HTR2C: variants seen among roughly 807,000 people sequenced by gnomAD.
HTR2C encodes 5-hydroxytryptamine receptor 2C.
Under a neutral mutation model 21.0 loss-of-function variants are expected in HTR2C, and 5 were observed. The ratio of observed to expected loss-of-function variants is 0.24; its 90% CI spans 0.12 to 0.50. The LOEUF (loss-of-function observed/expected upper bound fraction) is 0.50, where lower values mean the gene tolerates loss of function less well. HTR2C is among the 20% of genes least tolerant of loss of function. The pLI, the probability that HTR2C is intolerant of heterozygous loss-of-function variation, is 0.98. For synonymous variants in HTR2C, 150 were observed against 145.3 expected, an observed-to-expected ratio of 1.03 and a Z score of -0.23; for missense variants, 271 against 371.2, an observed-to-expected ratio of 0.73 and a Z score of 2.22.
chrX:114,892,539 T>G (rs1324279231), intron 5 of HTR2C, among the ~76,000 whole-genome samples: 1 of 111,933 alleles, frequency 8.9e-6, no homozygotes, highest in Non-Finnish European at 1.9e-5. Context: ...ATGAAAAATT[T>G]ACTAATATCA....
intron 2 of HTR2C, among the ~76,000 whole-genome samples, chrX:114,726,512 G>A (rs1358733977): frequency 8.9e-6 from 1 of 112,640 alleles, no homozygotes; most frequent in Non-Finnish European, 1.9e-5. Flanking sequence ...GACCGGAGCT[G>A]TTCCTCTTCG....
intron 4 of HTR2C, among the ~76,000 whole-genome samples, chrX:114,761,341 T>A (rs2069864089): frequency 9.0e-6 from 1 of 110,974 alleles, no homozygotes; most frequent in Admixed American, 9.7e-5. Flanking sequence ...GGTTGTTTTT[T>A]ATCAAAATAT....
At chrX:114,654,315 A>T (rs1930701479) in intron 2 of HTR2C, among the ~76,000 whole-genome samples, 1 of 107,496 alleles carries the variant, frequency 9.3e-6, no homozygotes, top group African/African-American at 3.3e-5. Context: ...CATATATATC[A>T]TATATATAAT....
intron 4 of HTR2C, among the ~76,000 whole-genome samples, chrX:114,746,106 T>C (rs2069701006): frequency 9.0e-6 from 1 of 111,043 alleles, no homozygotes; most frequent in Non-Finnish European, 1.9e-5. Flanking sequence ...CCTACAGCAA[T>C]TAAAAATTAA....
intron 1 of HTR2C, among the ~76,000 whole-genome samples, chrX:114,603,310 C>A (rs1273828412): frequency 4.5e-5 from 5 of 110,897 alleles, no homozygotes; most frequent in African/African-American, 1.6e-4. Context: ...GTTATGAGAA[C>A]TGTAGAGAGA....
chrX:114,857,084 A>G (rs1444448439), intron 5 of HTR2C, among the ~76,000 whole-genome samples: 6 of 110,600 alleles, frequency 5.4e-5, no homozygotes, highest in African/African-American at 2.0e-4. Context: ...TTTGTTCATA[A>G]TTCTCCGATT....
intron 2 of HTR2C, among the ~76,000 whole-genome samples, chrX:114,724,899 G>C (rs1933389843): frequency 9.3e-6 from 1 of 107,286 alleles, no homozygotes; most frequent in Non-Finnish European, 1.9e-5. Flanking sequence ...TTAGTTTGAT[G>C]GGCTTCCCTT....
chrX:114,704,404 T>C (rs1285306929), intron 2 of HTR2C, among the ~76,000 whole-genome samples: 2 of 111,561 alleles, frequency 1.8e-5, no homozygotes, highest in African/African-American at 6.5e-5. Flanking sequence ...GCTGGTTCAA[T>C]ATACACAAAT....
chrX:114,672,383 G>A (rs1405211209), intron 2 of HTR2C, among the ~76,000 whole-genome samples: 1 of 109,868 alleles, frequency 9.1e-6, no homozygotes, highest in Non-Finnish European at 1.9e-5. Context: ...CAATGAGACT[G>A]AGTCTCAAAA....
intron 5 of HTR2C, among the ~76,000 whole-genome samples, chrX:114,893,745 AG>A (rs782285072): frequency 1.1e-3 from 123 of 112,395 alleles, no homozygotes; most frequent in African/African-American, 3.7e-3. Flanking sequence ...GACAATATTA[AG>A]GAAATAAAAA....
chrX:114,896,967 A>G (rs1420164456), intron 5 of HTR2C, among the ~76,000 whole-genome samples: 1 of 111,043 alleles, frequency 9.0e-6, no homozygotes, highest in Admixed American at 9.6e-5. Context: ...TACCTTTAGC[A>G]TTGCATTTTA....
chrX:114,782,484 A>G (rs782013035), intron 4 of HTR2C, among the ~76,000 whole-genome samples: 8 of 111,695 alleles, frequency 7.2e-5, no homozygotes, highest in South Asian at 7.5e-4. Flanking sequence ...TGGGAGGCCA[A>G]CGTGGGAGGA....
chrX:114,797,595 CTTG>C (rs2070305518), intron 4 of HTR2C, among the ~76,000 whole-genome samples: 2 of 111,687 alleles, frequency 1.8e-5, no homozygotes, highest in African/African-American at 6.5e-5. Context: ...GGAAAAATTC[CTTG>C]TTGTGCAATC....
intron 4 of HTR2C, among the ~76,000 whole-genome samples, chrX:114,780,106 A>T (rs893538793): frequency 1.8e-5 from 2 of 112,036 alleles, no homozygotes; most frequent in African/African-American, 6.5e-5. Flanking sequence ...ATTATAAGTA[A>T]TCTAGAGATG....
At position 114,711,202 on chromosome X, in the gene HTR2C, T is replaced by C. The variant is rs1261189831; in HGVS notation, c.-79-15656T>C. 2.7e-5 allele frequency among the ~76,000 whole-genome samples: 3 copies of C among 111,849 alleles called. No individual in the cohort carries two copies. The East Asian group carries it at 8.4e-4, about 31-fold the overall frequency. ...ATATTTTAGTAATTTAAAATAAGAC[T>C]TTAAAACTTGAGGAATCTTTCATGA... On this transcript the variant is annotated intron_variant, in intron 2 of 5. Transcript: ENST00000276198.
chrX:114,793,283 C>G (rs1345963714), intron 4 of HTR2C, among the ~76,000 whole-genome samples: 1 of 111,073 alleles, frequency 9.0e-6, no homozygotes, highest in Non-Finnish European at 1.9e-5. Flanking sequence ...TTATCTCAGC[C>G]AGTCTAGAAG....
At chrX:114,744,002 G>A (rs2069676974) in intron 4 of HTR2C, among the ~76,000 whole-genome samples, 2 of 111,601 alleles carry the variant, frequency 1.8e-5, no homozygotes, top group African/African-American at 3.3e-5. Context: ...AAGAACAGCA[G>A]TGATTGCTGG....
chrX:114,730,215 G>T (rs1556422936), intron 3 of HTR2C, among the ~76,000 whole-genome samples: 1 of 111,522 alleles, frequency 9.0e-6, no homozygotes, highest in Non-Finnish European at 1.9e-5. Context: ...ATCTCATGTC[G>T]CCATAGGGGG....
At chrX:114,801,483 T>A (rs2070345875) in intron 4 of HTR2C, among the ~76,000 whole-genome samples, 1 of 111,258 alleles carries the variant, frequency 9.0e-6, no homozygotes, top group African/African-American at 3.3e-5. Context: ...TAGATTTTTT[T>A]AATTTTGTGA....
Sources: gnomAD v4.1 joint callset for allele counts (sites outside exome capture counted in the v4.1 genomes callset) on GRCh38, gnomAD v4.1.1 for gene constraint, MANE v1.5 for transcripts, NCBI Gene and HGNC (gene_info 2026-07-23, HGNC 2026-07-21) for gene names.